Variants in RAB2A observed in about 807,000 individuals in gnomAD.
RAB2A encodes ras-related protein Rab-2A.
A neutral mutation model predicts 32.5 loss-of-function variants in RAB2A; 7 were observed. That is an observed-to-expected ratio of 0.22 (90% confidence interval 0.12 to 0.40). The LOEUF is 0.40. RAB2A is among the 10% of genes least tolerant of loss of function. RAB2A has a pLI of 1.00. For synonymous variants in RAB2A, 79 were observed against 85.2 expected, an observed-to-expected ratio of 0.93 and a Z score of 0.40; for missense variants, 108 against 260.7, an observed-to-expected ratio of 0.41 and a Z score of 4.03.
At chr8:60,572,596 G>C (rs984042230) in intron 3 of RAB2A, among the ~76,000 whole-genome samples, 1 of 152,074 alleles carries the variant, frequency 6.6e-6, no homozygotes, top group Non-Finnish European at 1.5e-5. Context: ...TTTTAATGGT[G>C]ATTCCTCATC....
intron 6 of RAB2A, among the ~76,000 whole-genome samples, chr8:60,609,769 C>T (rs1804303853): frequency 6.6e-6 from 1 of 151,952 alleles, no homozygotes; most frequent in African/African-American, 2.4e-5. Context: ...AGTTTGAGAC[C>T]AGCCTGGCCC....
At chr8:60,529,228 T>C (rs1807439583) in intron 1 of RAB2A, among the ~76,000 whole-genome samples, 1 of 152,224 alleles carries the variant, frequency 6.6e-6, no homozygotes, top group South Asian at 2.1e-4. Context: ...GAGTACTTGA[T>C]TGGTTTTTGT....
intron 6 of RAB2A, among the ~76,000 whole-genome samples, chr8:60,617,551 A>G (rs1485979617): frequency 1.3e-5 from 2 of 152,116 alleles, no homozygotes; most frequent in Admixed American, 1.3e-4. Context: ...CTTTTGAGAT[A>G]TAATTCACAT....
At chr8:60,558,591 G>A (rs1303059899) in intron 1 of RAB2A, 1 of 510,820 alleles carries the variant, frequency 2.0e-6, no homozygotes, top group Admixed American at 2.9e-5. Context: ...GTTGTCATCT[G>A]TGAGTTTAGC....
intron 5 of RAB2A, among the ~76,000 whole-genome samples, chr8:60,585,136 A>G (rs1188317969): frequency 6.6e-6 from 1 of 152,194 alleles, no homozygotes; most frequent in Non-Finnish European, 1.5e-5. Flanking sequence ...TTGTGCTGTC[A>G]ATTTAAAATG....
chr8:60,552,675 C>G (rs1336795681), intron 1 of RAB2A: 2 of 152,160 alleles, frequency 1.3e-5, no homozygotes, highest in African/African-American at 2.4e-5. Context: ...CTCTGATTCT[C>G]TGTACATATA....
intron 1 of RAB2A, among the ~76,000 whole-genome samples, chr8:60,529,386 A>G (rs1370960911): frequency 6.6e-6 from 1 of 152,054 alleles, no homozygotes; most frequent in Non-Finnish European, 1.5e-5. Context: ...TTGGGGAGAG[A>G]TGTTAAAATC....
At chr8:60,617,574 A>G (rs1243964998) in intron 6 of RAB2A, among the ~76,000 whole-genome samples, 1 of 152,044 alleles carries the variant, frequency 6.6e-6, no homozygotes, top group African/African-American at 2.4e-5. Flanking sequence ...CATAAAATTG[A>G]TGCTTTTAAA....
At chr8:60,547,835 C>A (rs1199185971) in intron 1 of RAB2A, among the ~76,000 whole-genome samples, 2 of 83,462 alleles carry the variant, frequency 2.4e-5, no homozygotes, top group Non-Finnish European at 2.4e-5. Context: ...GGGGGGCTGA[C>A]CCCCCCACCT....
At chr8:60,560,981 AAG>A (rs1250091564) in intron 2 of RAB2A, among the ~76,000 whole-genome samples, 1 of 152,204 alleles carries the variant, frequency 6.6e-6, no homozygotes, top group Non-Finnish European at 1.5e-5. Context: ...ACTGGGAAAT[AAG>A]AGTCTGAAAG....
At chr8:60,558,772 G>A in intron 1 of RAB2A, 80 bp from the exon 2 acceptor site, 1 of 1,178,938 alleles carries the variant, frequency 8.5e-7, no homozygotes, top group Non-Finnish European at 1.3e-6. Context: ...AACCCTGGCT[G>A]CCTCTTTTCC....
intron 6 of RAB2A, among the ~76,000 whole-genome samples, chr8:60,609,225 C>CGGAAA: frequency 1.2e-4 from 19 of 152,296 alleles, no homozygotes; most frequent in Middle Eastern, 3.4e-3. Flanking sequence ...ATTCTCTGCA[C>CGGAAA]TTGAAATGCC....
At chr8:60,592,164 G>A (rs2130854152) in intron 6 of RAB2A, 195 bp downstream of exon 6, 3 of 372,508 alleles carry the variant, frequency 8.1e-6, no homozygotes, top group South Asian at 1.5e-4. Flanking sequence ...GCCTTCTAAA[G>A]CCTGAATGTT....
intron 1 of RAB2A, chr8:60,558,515 G>A: frequency 2.0e-6 from 1 of 495,638 alleles, no homozygotes; most frequent in South Asian, 1.5e-5. Context: ...TATTTTCACT[G>A]TAACACAAAA....
chr8:60,597,537 A>G (rs576840437), intron 6 of RAB2A, among the ~76,000 whole-genome samples: 1 of 152,280 alleles, frequency 6.6e-6, no homozygotes, highest in African/African-American at 2.4e-5. Context: ...GCACGTATAT[A>G]CCTATGTAAC....
chr8:60,533,747 G>A (rs901955699), intron 1 of RAB2A, among the ~76,000 whole-genome samples: 10 of 152,134 alleles, frequency 6.6e-5, no homozygotes, highest in Admixed American at 4.6e-4. Context: ...AAGGTGGGTG[G>A]ATAGCTTGAG....
At position 60,547,531 on chromosome 8, in the gene RAB2A, T is replaced by TC. The variant is rs533899685; in HGVS notation, c.47-11315dup. On this transcript the variant is annotated intron_variant, in intron 1 of 7. Transcript: ENST00000262646. ...GCAGCTGGCCGGACGGGGGGCTGAC[T>TC]CCCCCCACCTCCCTCCTGGATGGGG... is the stretch of plus-strand genomic sequence containing the variant. Among the ~76,000 whole-genome samples, 615 of 108,604 alleles carry TC rather than the reference T, an allele frequency of 5.7e-3. 4 individuals are homozygous for TC. The highest frequency in any genetic ancestry group is 0.014 in the Middle Eastern group (2 of 146). The allele number at this position is 108,604 out of a possible 152,430, so 71.2% of individuals were successfully genotyped here.
chr8:60,592,006 C>T, intron 6 of RAB2A, 37 bp downstream of exon 6: 3 of 1,243,558 alleles, frequency 2.4e-6, no homozygotes, highest in Non-Finnish European at 3.4e-6. Flanking sequence ...CATCTTTATA[C>T]TTAATAGAAA....
intron 6 of RAB2A, among the ~76,000 whole-genome samples, chr8:60,615,965 A>G (rs910406254): frequency 1.3e-5 from 2 of 152,168 alleles, no homozygotes; most frequent in Non-Finnish European, 1.5e-5. Flanking sequence ...CCTCTATAAT[A>G]TGCTCAGGGG....
Sources: gnomAD v4.1 joint callset for allele counts (sites outside exome capture counted in the v4.1 genomes callset) on GRCh38, gnomAD v4.1.1 for gene constraint, MANE v1.5 for transcripts, NCBI Gene and HGNC (gene_info 2026-07-23, HGNC 2026-07-21) for gene names.